LRRC4C: variants seen among roughly 807,000 people sequenced by gnomAD.
LRRC4C encodes leucine rich repeat containing 4C, also known as leucine-rich repeat-containing protein 4C.
A neutral mutation model predicts 33.6 loss-of-function variants in LRRC4C; 5 were observed. The ratio of observed to expected loss-of-function variants is 0.15; its 90% CI spans 0.08 to 0.31. The LOEUF is 0.31. Among genes scored for constraint, LRRC4C ranks in the 10% least tolerant of loss-of-function variants. The probability of loss-of-function intolerance (pLI) is 1.00; values close to 1 mark genes in which losing one functional copy is unlikely to be tolerated. For missense variants in LRRC4C, 560 were observed against 796.7 expected (o/e 0.70, Z 3.58); for synonymous variants, 329 against 302.0 (o/e 1.09, Z -0.93).
chr11:40,699,393 T>C (rs1265776488), intron 2 of LRRC4C, among the ~76,000 whole-genome samples: 1 of 152,192 alleles, frequency 6.6e-6, no homozygotes, highest in Non-Finnish European at 1.5e-5. Context: ...CCTACTATTT[T>C]TTAAAAATCA....
rs530621668 is a variant in LRRC4C, at chr11:40,910,677, T to G, written c.-407+22958A>C. Among the ~76,000 whole-genome samples the G allele has an allele frequency of 8.5e-5, 13 of 152,238 alleles. No individual in the cohort carries two copies. In the East Asian group the frequency reaches 2.1e-3, roughly 25 times the overall value. ...AACTGAGGTACCAGGTTCATCTCAC[T>G]GGGGATTGTCAGACAGTGGGTGCAG... On this transcript the variant is annotated intron_variant, in intron 2 of 6. Transcript: ENST00000528697.
intron 4 of LRRC4C, among the ~76,000 whole-genome samples, chr11:40,279,977 C>A (rs1353284927): frequency 6.6e-6 from 1 of 152,128 alleles, no homozygotes; most frequent in Non-Finnish European, 1.5e-5. Context: ...ATGATTTACT[C>A]GGCCCTGAAC....
At chr11:41,117,341 A>C (rs1942185734) in intron 1 of LRRC4C, among the ~76,000 whole-genome samples, 1 of 152,152 alleles carries the variant, frequency 6.6e-6, no homozygotes, top group Admixed American at 6.6e-5. Context: ...ATTTTAAAAA[A>C]CATAACAAAA....
intron 5 of LRRC4C, among the ~76,000 whole-genome samples, chr11:40,209,047 G>A (rs1293210781): frequency 6.6e-6 from 1 of 151,376 alleles, no homozygotes; most frequent in Non-Finnish European, 1.5e-5. Flanking sequence ...TTCAAATAAA[G>A]GATTGTGCAC....
At chr11:40,646,031 GT>G (rs57017910) in intron 3 of LRRC4C, among the ~76,000 whole-genome samples, 6,448 of 141,490 alleles carry the variant, frequency 0.046, 269 homozygotes, top group African/African-American at 0.12. Context: ...ATTCCTCAGT[GT>G]TTTTTTTTTT....
At chr11:41,257,883 C>T (rs1948852759) in intron 1 of LRRC4C, among the ~76,000 whole-genome samples, 1 of 151,972 alleles carries the variant, frequency 6.6e-6, no homozygotes, top group Non-Finnish European at 1.5e-5. Context: ...TTAGTAATGC[C>T]TGCCTCAGAG....
At chr11:40,333,737 A>G (rs989581670) in intron 3 of LRRC4C, among the ~76,000 whole-genome samples, 6 of 151,384 alleles carry the variant, frequency 4.0e-5, no homozygotes, top group Admixed American at 2.6e-4. Context: ...AAAAAAAAAA[A>G]AAAAGAATTC....
chr11:40,569,552 G>A (rs1957898223), intron 3 of LRRC4C, among the ~76,000 whole-genome samples: 1 of 151,978 alleles, frequency 6.6e-6, no homozygotes, highest in South Asian at 2.1e-4. Flanking sequence ...GTGTTTGTAT[G>A]TGAATGTTTA....
chr11:40,892,906 T>A (rs1204027349), intron 2 of LRRC4C, among the ~76,000 whole-genome samples: 1 of 152,170 alleles, frequency 6.6e-6, no homozygotes, highest in Non-Finnish European at 1.5e-5. Context: ...GTCACTAAAT[T>A]GTACATTTAT....
intron 4 of LRRC4C, among the ~76,000 whole-genome samples, chr11:40,278,040 C>G (rs1447345212): frequency 6.6e-6 from 1 of 152,138 alleles, no homozygotes; most frequent in Non-Finnish European, 1.5e-5. Flanking sequence ...AATATATGAA[C>G]TTGGTTTGAT....
At chr11:40,585,694 T>C (rs1044645710) in intron 3 of LRRC4C, among the ~76,000 whole-genome samples, 3 of 139,208 alleles carry the variant, frequency 2.2e-5, no homozygotes, top group Non-Finnish European at 3.1e-5. Flanking sequence ...CATTGTTCAA[T>C]TCCCACCTAT....
chr11:40,684,338 A>G (rs1309704179), intron 2 of LRRC4C, among the ~76,000 whole-genome samples: 1 of 152,116 alleles, frequency 6.6e-6, no homozygotes, highest in Non-Finnish European at 1.5e-5. Flanking sequence ...AGAAATTAAA[A>G]AAAACTAAAT....
At chr11:41,012,033 C>T (rs555351391) in intron 1 of LRRC4C, among the ~76,000 whole-genome samples, 70 of 151,156 alleles carry the variant, frequency 4.6e-4, no homozygotes, top group Non-Finnish European at 7.1e-4. Flanking sequence ...TAAAGATCAG[C>T]GTTCTTGGGA....
chr11:40,497,824 A>G (rs926884302), intron 3 of LRRC4C, among the ~76,000 whole-genome samples: 1 of 152,188 alleles, frequency 6.6e-6, no homozygotes, highest in Non-Finnish European at 1.5e-5. Flanking sequence ...ATAAAAGCTA[A>G]GGGTCAGAAG....
intron 1 of LRRC4C, among the ~76,000 whole-genome samples, chr11:41,116,085 A>G (rs1214416003): frequency 6.6e-6 from 1 of 152,148 alleles, no homozygotes; most frequent in Non-Finnish European, 1.5e-5. Flanking sequence ...CCATTTATTT[A>G]GCATGTACTC....
At chr11:40,319,984 T>C (rs1404137535) in intron 3 of LRRC4C, among the ~76,000 whole-genome samples, 2 of 152,080 alleles carry the variant, frequency 1.3e-5, no homozygotes, top group Non-Finnish European at 2.9e-5. Flanking sequence ...TTTGATTTAG[T>C]TTACCAACTC....
At chr11:40,332,145 T>C (rs1286757901) in intron 3 of LRRC4C, among the ~76,000 whole-genome samples, 4 of 152,202 alleles carry the variant, frequency 2.6e-5, no homozygotes, top group African/African-American at 7.2e-5. Context: ...GTGTCACAAA[T>C]GAGGTGGCTT....
rs548266732 is a variant in LRRC4C at position 40,434,707 on chromosome 11, A to G, written c.-269-114986T>C. On this transcript the variant is annotated intron_variant, in intron 3 of 6. Transcript: ENST00000528697. ...TTCTTCAGAATTACTGTTGAACACA[A>G]TAGAACTCTATAGCCAGCAGTGTGG... is the stretch of plus-strand genomic sequence containing the variant. 5.3e-5 allele frequency among the ~76,000 whole-genome samples: 8 copies of G among 152,348 alleles called. No homozygotes were observed. The East Asian group carries it at 1.4e-3, about 26-fold the overall frequency.
At chr11:41,459,225 A>C (rs1956262249) in intron 1 of LRRC4C, among the ~76,000 whole-genome samples, 1 of 152,198 alleles carries the variant, frequency 6.6e-6, no homozygotes, top group South Asian at 2.1e-4. Flanking sequence ...CAAAAATGGT[A>C]AGAGGAATGG....
Sources: allele counts gnomAD v4.1 joint callset (sites outside exome capture counted in the v4.1 genomes callset), GRCh38; gene constraint gnomAD v4.1.1; transcripts MANE v1.5; gene names NCBI Gene and HGNC (gene_info 2026-07-23, HGNC 2026-07-21).